Variants in KIF13B observed in about 807,000 individuals in gnomAD.
The protein encoded by KIF13B is kinesin family member 13B.
Under a neutral mutation model 222.0 loss-of-function variants are expected in KIF13B, and 127 were observed. The observed-to-expected ratio is 0.57, with a 90% CI of 0.50 to 0.66. KIF13B has a LOEUF of 0.66. Ranked by LOEUF, KIF13B falls within the 30% of genes least tolerant of loss-of-function variation. The pLI, the probability that KIF13B is intolerant of heterozygous loss-of-function variation, is 0.00. For synonymous variants in KIF13B, 976 were observed against 919.0 expected, an observed-to-expected ratio of 1.06 and a Z score of -1.12; for missense variants, 2,173 against 2,379.0, an observed-to-expected ratio of 0.91 and a Z score of 1.80.
At position 29,115,749 on chromosome 8, in the gene KIF13B, C is replaced by T. The variant is rs770403369; in HGVS notation, c.3837+1082G>A. On this transcript the variant is annotated intron_variant, in intron 31 of 39. Transcript: ENST00000524189. ...CAGGCAGGACCCCCAGCACATGGAG[C>T]TCCTCGCGGTCCCCGATCCTGCCCC... Among the ~76,000 whole-genome samples the T allele has an allele frequency of 1.2e-3, 181 of 152,322 alleles. 2 individuals carry two copies. Among genetic ancestry groups the T allele is most frequent in the Admixed American group, 3.3e-3 (51 of 15,302 alleles).
At position 29,156,677 on chromosome 8, in the gene KIF13B, T is replaced by C. The variant is rs919896066; in HGVS notation, c.1405-821A>G. On this transcript the variant is annotated intron_variant, in intron 13 of 39. Transcript: ENST00000524189. ...ACAGGCAGGCACCACCTTGACCAAC[T>C]AATTTTTTTTTTTTTTTTTTTTTTG... Among the ~76,000 whole-genome samples, 11 of 150,016 alleles carry C rather than the reference T, an allele frequency of 7.3e-5. No individual in the cohort carries two copies. The South Asian group carries it at 2.3e-3, about 32-fold the overall frequency.
At position 29,186,453 on chromosome 8, in the gene KIF13B, G is replaced by A. The variant is rs1279476523; in HGVS notation, c.336C>T (p.Thr112=). 1 of 1,603,950 alleles carries A rather than the reference G, an allele frequency of 6.2e-7. No homozygotes were observed. The highest frequency in any genetic ancestry group is 8.5e-7 in the Non-Finnish European group (1 of 1,177,366). The change falls in exon 6 of 40, where the codon ACC becomes ACT. Residue 112 remains threonine, a synonymous_variant. Transcript: ENST00000524189. ...CAGGTTGGTCAGCTGTGCCCATCATGGTATAAGATTTTCCAGAGCCTAAAA... is the reference window on the plus strand; with the variant it reads ...CAGGTTGGTCAGCTGTGCCCATCATAGTATAAGATTTTCCAGAGCCTAAAA... ...YGQTGSGKSY[T]MMGTADQPGL...
At chr8:29,083,170 C>T (rs975052943) in intron 37 of KIF13B, among the ~76,000 whole-genome samples, 1 of 151,784 alleles carries the variant, frequency 6.6e-6, no homozygotes, top group Non-Finnish European at 1.5e-5. Context: ...GCTTAATATG[C>T]GCTAAGAAAT....
At chr8:29,168,857 C>T (rs1437973565) in intron 10 of KIF13B, among the ~76,000 whole-genome samples, 2 of 152,174 alleles carry the variant, frequency 1.3e-5, no homozygotes, top group African/African-American at 4.8e-5. Context: ...GACTTGTTTG[C>T]AGCTGTTCCT....
chr8:29,203,472 T>A (rs564588310), intron 2 of KIF13B, among the ~76,000 whole-genome samples: 1 of 152,212 alleles, frequency 6.6e-6, no homozygotes, highest in African/African-American at 2.4e-5. Context: ...AGAAGTATTA[T>A]GGGGAAAATA....
chr8:29,160,223 C>T (rs1811713773), intron 13 of KIF13B, among the ~76,000 whole-genome samples: 1 of 152,212 alleles, frequency 6.6e-6, no homozygotes, highest in African/African-American at 2.4e-5. Flanking sequence ...CTCACTGAGT[C>T]TCTAAATAAC....
intron 27 of KIF13B, 137 bp downstream of exon 27, chr8:29,123,887 G>C (rs1809989916): frequency 1.6e-6 from 1 of 635,334 alleles, no homozygotes; most frequent in South Asian, 2.0e-5. Flanking sequence ...CATAAACAAA[G>C]AGTAACACTC....
At chr8:29,137,508 G>A (rs182353807) in intron 21 of KIF13B, among the ~76,000 whole-genome samples, 171 of 152,290 alleles carry the variant, frequency 1.1e-3, no homozygotes, top group African/African-American at 3.9e-3. Flanking sequence ...TGAAAACATG[G>A]AGATGTTAAT....
chr8:29,140,692 T>C (rs935776480), intron 19 of KIF13B, 75 bp from the exon 20 acceptor site: 10 of 1,303,496 alleles, frequency 7.7e-6, no homozygotes, highest in Non-Finnish European at 1.1e-5. Context: ...TGCTTTTTGA[T>C]GCACTCTAGG....
At chr8:29,073,473 C>T (rs748842524) in intron 38 of KIF13B, among the ~76,000 whole-genome samples, 7 of 152,168 alleles carry the variant, frequency 4.6e-5, no homozygotes, top group African/African-American at 1.7e-4. Context: ...ATAACTGAAG[C>T]CATGTGAAGA....
chr8:29,184,607 A>T (rs1224829673), intron 6 of KIF13B, among the ~76,000 whole-genome samples: 1 of 152,224 alleles, frequency 6.6e-6, no homozygotes, highest in Non-Finnish European at 1.5e-5. Flanking sequence ...ATTCACTGTT[A>T]ATTACTGTAA....
chr8:29,129,265 T>C (rs530154332), intron 24 of KIF13B, among the ~76,000 whole-genome samples: 245 of 152,320 alleles, frequency 1.6e-3, no homozygotes, highest in African/African-American at 5.7e-3. Context: ...AATTATCCAG[T>C]CTTGCCTTCC....
At chr8:29,135,933 T>A (rs1240437552) in intron 21 of KIF13B, among the ~76,000 whole-genome samples, 3 of 146,926 alleles carry the variant, frequency 2.0e-5, no homozygotes. Flanking sequence ...TTTCGAGAAG[T>A]ATTGATGACA....
At chr8:29,130,037 CCTT>C (rs1363234081) in intron 24 of KIF13B, among the ~76,000 whole-genome samples, 3 of 152,200 alleles carry the variant, frequency 2.0e-5, no homozygotes, top group Non-Finnish European at 4.4e-5. Context: ...CATAGCTTCT[CCTT>C]GTCTTCCTAA....
At chr8:29,199,574 CAAAAAAAA>C (rs10579222) in intron 2 of KIF13B, among the ~76,000 whole-genome samples, 97 of 119,446 alleles carry the variant, frequency 8.1e-4, no homozygotes, top group African/African-American at 3.1e-3. Flanking sequence ...TTCCAAAATC[CAAAAAAAA>C]AAAAAAAAAA....
intron 2 of KIF13B, among the ~76,000 whole-genome samples, chr8:29,228,811 G>C (rs1366842416): frequency 2.0e-5 from 3 of 150,134 alleles, no homozygotes; most frequent in African/African-American, 7.3e-5. Flanking sequence ...TGATTGGGCA[G>C]GAGAAGGCCT....
At chr8:29,215,408 C>T (rs146103000) in intron 2 of KIF13B, among the ~76,000 whole-genome samples, 4 of 152,260 alleles carry the variant, frequency 2.6e-5, no homozygotes, top group African/African-American at 9.6e-5. Flanking sequence ...AGTATGCCGA[C>T]CAGGTGTGGT....
At chr8:29,118,067 A>C (rs776523282) in intron 30 of KIF13B, among the ~76,000 whole-genome samples, 10 of 152,032 alleles carry the variant, frequency 6.6e-5, no homozygotes, top group Admixed American at 5.9e-4. Context: ...TTGAGGCAAG[A>C]GGATCACTTG....
intron 21 of KIF13B, among the ~76,000 whole-genome samples, chr8:29,139,497 CTG>C (rs1810711906): frequency 6.6e-6 from 1 of 152,176 alleles, no homozygotes; most frequent in South Asian, 2.1e-4. Flanking sequence ...AGTGAAGTAA[CTG>C]AAACACCAGA....
Sources: gnomAD v4.1 joint callset for allele counts (sites outside exome capture counted in the v4.1 genomes callset) on GRCh38, gnomAD v4.1.1 for gene constraint, MANE v1.5 for transcripts, NCBI Gene and HGNC (gene_info 2026-07-23, HGNC 2026-07-21) for gene names.